Variants in ANO4 observed in about 807,000 individuals in gnomAD.
ANO4 encodes the protein anoctamin 4, also known as anoctamin-4.
Under a neutral mutation model 141.9 loss-of-function variants are expected in ANO4, and 69 were observed. The ratio of observed to expected loss-of-function variants is 0.49; its 90% CI spans 0.40 to 0.59. The LOEUF is 0.59. ANO4 is among the 20% of genes least tolerant of loss of function. ANO4 has a pLI of 0.00. For missense variants in ANO4, 894 were observed against 1,162.2 expected (o/e 0.77, Z 3.36); for synonymous variants, 350 against 394.3 (o/e 0.89, Z 1.33).
At chr12:100,921,052 A>C (rs893575060) in intron 2 of ANO4, among the ~76,000 whole-genome samples, 4 of 152,124 alleles carry the variant, frequency 2.6e-5, no homozygotes, top group African/African-American at 7.2e-5. Context: ...CCAGAATCTG[A>C]GCTTGTAGCT....
At chr12:100,795,285 C>T (rs998063630) in intron 1 of ANO4, among the ~76,000 whole-genome samples, 1 of 152,160 alleles carries the variant, frequency 6.6e-6, no homozygotes, top group Non-Finnish European at 1.5e-5. Context: ...GAAGCAGCAG[C>T]CGGGGAAATG....
intron 1 of ANO4, among the ~76,000 whole-genome samples, chr12:100,853,575 T>C (rs1438263826): frequency 6.6e-6 from 1 of 152,080 alleles, no homozygotes; most frequent in East Asian, 1.9e-4. Context: ...CTCTCTTAGT[T>C]ACCATAGTTT....
At chr12:100,919,963 G>C (rs75875565) in intron 2 of ANO4, among the ~76,000 whole-genome samples, 1 of 150,978 alleles carries the variant, frequency 6.6e-6, no homozygotes, top group African/African-American at 2.4e-5. Context: ...AATTATTAAA[G>C]GTTTTTGGAA....
Position 101,083,645 on chromosome 12 carries a change from T to C in ANO4, c.1396-33T>C, listed in dbSNP as rs373888025. ...TTTTTTTATTGTGTGAGCACCTCTT[T>C]AGTGCATTAAAATGTGTCTGCTTGT... On this transcript the variant is annotated intron_variant, in intron 15 of 27. Coordinates refer to ENST00000392977, the MANE Select transcript of ANO4 (RefSeq NM_001286615.2). 3.1e-5 allele frequency: 50 copies of C among 1,590,902 alleles called. No individual in the cohort carries two copies. In the African/African-American group the frequency reaches 5.9e-4, roughly 19 times the overall value.
chr12:101,081,743 G>C (rs946869181), intron 15 of ANO4, among the ~76,000 whole-genome samples: 1 of 152,044 alleles, frequency 6.6e-6, no homozygotes, highest in Admixed American at 6.6e-5. Flanking sequence ...GGTGTCAGCA[G>C]GGTTGGTTCT....
intron 9 of ANO4, among the ~76,000 whole-genome samples, chr12:101,027,544 CTTGGTCCCCAAGA>C (rs374511731): frequency 0.015 from 2,221 of 152,322 alleles, 51 homozygotes; most frequent in African/African-American, 0.051. Context: ...GGCTGGATGG[CTTGGTCCCCAAGA>C]GTGGTCCCCC....
intron 1 of ANO4, among the ~76,000 whole-genome samples, chr12:100,852,162 AG>A (rs2037908235): frequency 2.0e-5 from 3 of 152,244 alleles, no homozygotes. Context: ...GTCCAGGCAC[AG>A]GGATCCTATG....
At chr12:100,999,725 G>T (rs572162904) in intron 8 of ANO4, among the ~76,000 whole-genome samples, 1 of 152,086 alleles carries the variant, frequency 6.6e-6, no homozygotes, top group African/African-American at 2.4e-5. Context: ...AATAGGATTT[G>T]GGGACATTAA....
rs181659337 is a variant in ANO4 at position 101,023,251 on chromosome 12, G to T, written c.841+3111G>T. ...TAAGCAAAAGAAGGACAGAGACAGT[G>T]ATTTTTAAATGTTCTGAAGAAGCAC... On this transcript the variant is annotated intron_variant, in intron 9 of 27. Coordinates refer to ENST00000392977, the MANE Select transcript of ANO4 (RefSeq NM_001286615.2). 4.1e-4 allele frequency among the ~76,000 whole-genome samples: 62 copies of T among 152,312 alleles called. 1 individual carries two copies. The East Asian group carries it at 0.011, about 27-fold the overall frequency.
intron 1 of ANO4, among the ~76,000 whole-genome samples, chr12:100,898,381 A>G (rs1003372456): frequency 2.0e-5 from 3 of 152,182 alleles, no homozygotes; most frequent in Non-Finnish European, 4.4e-5. Flanking sequence ...CCATTGACTT[A>G]GCCCTTGTGT....
intron 21 of ANO4, 74 bp downstream of exon 21, chr12:101,098,019 TA>T: frequency 7.3e-7 from 1 of 1,361,432 alleles, no homozygotes; most frequent in Non-Finnish European, 1.0e-6. Flanking sequence ...GCAAGTAAGA[TA>T]AGCAATGCAG....
chr12:100,901,597 C>G (rs762150670), intron 1 of ANO4, 49 bp from the exon 2 acceptor site: 18 of 657,190 alleles, frequency 2.7e-5, no homozygotes, highest in Non-Finnish European at 1.1e-5. Context: ...AGCCTTTTAG[C>G]CATTCTGAAG....
At chr12:100,922,138 G>T in intron 2 of ANO4, 88 bp from the exon 3 acceptor site, 1 of 860,374 alleles carries the variant, frequency 1.2e-6, no homozygotes, top group South Asian at 3.1e-5. Context: ...CATTCACTTT[G>T]GATTTTGACA....
chr12:100,783,751 G>A (rs1238954342), intron 3 of ANO4, among the ~76,000 whole-genome samples: 1 of 152,150 alleles, frequency 6.6e-6, no homozygotes, highest in Non-Finnish European at 1.5e-5. Flanking sequence ...GATCGGGAAG[G>A]CAATGATATT....
intron 8 of ANO4, among the ~76,000 whole-genome samples, chr12:100,991,186 G>C (rs1003602054): frequency 2.6e-5 from 4 of 152,206 alleles, no homozygotes; most frequent in Admixed American, 2.0e-4. Context: ...ATGTCACATA[G>C]ATAGCATCCC....
chr12:101,045,646 A>G (rs911610118), intron 13 of ANO4, among the ~76,000 whole-genome samples: 1 of 152,136 alleles, frequency 6.6e-6, no homozygotes, highest in African/African-American at 2.4e-5. Flanking sequence ...TCAGAAACCC[A>G]ACTCCTACTG....
rs755042995 is a variant in ANO4, at chr12:101,111,701, C to A, written c.2441C>A (p.Ala814Asp). Residue 814 changes from alanine (A) to aspartate (D), a missense_variant, in exon 24 of 28, where the codon GCT becomes GAT. By Grantham distance (126) the Ala-to-Asp change is moderately radical (BLOSUM62 -2). Transcript: ENST00000392977. ...GGACCTTGTGCAGGCCAAGGAGAAG[C>A]TGGGCAAAAGTAAGTTTGCTATAAA... Reference protein sequence around the residue: ...KYGPCAGQGEAGQKCMVGYVN... With the variant: ...KYGPCAGQGEDGQKCMVGYVN... 1 of 1,589,804 alleles carries A rather than the reference C, an allele frequency of 6.3e-7. No individual in the cohort carries two copies. The highest frequency in any genetic ancestry group is 2.3e-5 in the East Asian group (1 of 43,838).
chr12:101,081,790 T>A (rs564510575), intron 15 of ANO4, among the ~76,000 whole-genome samples: 1 of 152,232 alleles, frequency 6.6e-6, no homozygotes, highest in African/African-American at 2.4e-5. Context: ...GTTCTAGGCA[T>A]CTTTTCTTGG....
intron 1 of ANO4, among the ~76,000 whole-genome samples, chr12:100,869,375 A>G (rs887686274): frequency 5.3e-5 from 8 of 152,320 alleles, no homozygotes; most frequent in African/African-American, 1.9e-4. Flanking sequence ...GGTGATAGGA[A>G]TGAGTCCTGA....
Sources: gnomAD v4.1 joint callset for allele counts (sites outside exome capture counted in the v4.1 genomes callset) on GRCh38, gnomAD v4.1.1 for gene constraint, MANE v1.5 for transcripts, NCBI Gene and HGNC (gene_info 2026-07-23, HGNC 2026-07-21) for gene names.